The following ALK variants were observed in gnomAD, a reference collection of about 807,000 sequenced individuals.
ALK encodes the protein ALK tyrosine kinase receptor.
A neutral mutation model predicts 163.1 loss-of-function variants in ALK; 74 were observed. That is an observed-to-expected ratio of 0.45 (90% CI 0.38 to 0.55). The LOEUF is 0.55. ALK is among the 20% of genes least tolerant of loss of function. The pLI is 0.00. For missense variants in ALK, 2,063 were observed against 2,105.3 expected (o/e 0.98, Z 0.39); for synonymous variants, 960 against 843.2 (o/e 1.14, Z -2.40).
rs1674761444 is a variant in ALK, at chr2:29,583,035, G to GTGTTTTTT, written c.953-50920_953-50919insAAAAAACA. Among the ~76,000 whole-genome samples, 5 of 108,106 alleles carry GTGTTTTTT rather than the reference G, an allele frequency of 4.6e-5. No homozygotes were observed. The South Asian group carries it at 1.0e-3, about 22-fold the overall frequency. 70.9% of individuals were successfully genotyped at this position (108,106 alleles called of 152,430 possible). ...GTGCCACCATGCCTGGCTAACTTTT[G>GTGTTTTTT]TTTTTTGTTTTTTTGTTTTTTTTAG... On this transcript the variant is annotated intron_variant, in intron 3 of 28. Transcript: ENST00000389048.
Position 29,609,709 on chromosome 2 carries a change from T to C in ALK, c.953-77593A>G, listed in dbSNP as rs1017062809. Among the ~76,000 whole-genome samples the C allele has an allele frequency of 3.3e-5, 5 of 151,672 alleles. No individual in the cohort carries two copies. The East Asian group carries it at 7.8e-4, about 24-fold the overall frequency. On this transcript the variant is annotated intron_variant, in intron 3 of 28. Transcript: ENST00000389048. The stretch of plus-strand genomic sequence containing the variant: ...CCCAGGTTGAAGTGCAATAGCACAA[T>C]AACAGCTCACTATAGCTTTGAACTT...
chr2:29,674,552 T>G (rs1363277652), intron 3 of ALK, among the ~76,000 whole-genome samples: 2 of 150,734 alleles, frequency 1.3e-5, no homozygotes, highest in African/African-American at 4.9e-5. Context: ...ATAAGCTTTT[T>G]GATGTGCTGC....
chr2:29,525,087 C>G (rs746668084), intron 4 of ALK, among the ~76,000 whole-genome samples: 1 of 152,192 alleles, frequency 6.6e-6, no homozygotes, highest in Non-Finnish European at 1.5e-5. Context: ...AGCCATAGTC[C>G]TTCTAGAGAC....
At chr2:29,385,072 G>A (rs1668998356) in intron 4 of ALK, among the ~76,000 whole-genome samples, 1 of 151,396 alleles carries the variant, frequency 6.6e-6, no homozygotes, top group South Asian at 2.1e-4. Flanking sequence ...ATTTGATGGT[G>A]GGTTTTGGCT....
intron 1 of ALK, among the ~76,000 whole-genome samples, chr2:29,873,614 C>T (rs926041881): frequency 6.6e-6 from 1 of 152,060 alleles, no homozygotes; most frequent in Non-Finnish European, 1.5e-5. Flanking sequence ...CAGAAGGTGC[C>T]TAAAGCCAAA....
At chr2:29,762,362 A>G (rs1312960790) in intron 1 of ALK, among the ~76,000 whole-genome samples, 4 of 152,236 alleles carry the variant, frequency 2.6e-5, no homozygotes, top group Non-Finnish European at 5.9e-5. Context: ...ACAGTCAATT[A>G]TCTCATGATC....
chr2:29,611,374 ACTAT>A (rs1196999766), intron 3 of ALK, among the ~76,000 whole-genome samples: 1 of 152,184 alleles, frequency 6.6e-6, no homozygotes, highest in Non-Finnish European at 1.5e-5. Flanking sequence ...GCAAACATTT[ACTAT>A]CTACTATGTG....
intron 3 of ALK, among the ~76,000 whole-genome samples, chr2:29,567,709 G>GA (rs111716077): frequency 3.7e-4 from 56 of 151,966 alleles, no homozygotes; most frequent in African/African-American, 1.3e-3. Context: ...TCCAAGAGAA[G>GA]AAAAAAAATA....
chr2:29,312,921 G>A (rs972777385), intron 8 of ALK, among the ~76,000 whole-genome samples: 1 of 152,224 alleles, frequency 6.6e-6, no homozygotes, highest in African/African-American at 2.4e-5. Context: ...ACATCCACAG[G>A]AACTCTGCCT....
At chr2:29,621,618 G>A (rs571946703) in intron 3 of ALK, among the ~76,000 whole-genome samples, 1 of 152,202 alleles carries the variant, frequency 6.6e-6, no homozygotes, top group Non-Finnish European at 1.5e-5. Context: ...TCATCATGTG[G>A]GACCCTGGAA....
intron 4 of ALK, among the ~76,000 whole-genome samples, chr2:29,395,176 C>T (rs1191540376): frequency 6.6e-6 from 1 of 152,176 alleles, no homozygotes; most frequent in African/African-American, 2.4e-5. Flanking sequence ...GGTTCAAATG[C>T]GAATGCAAGC....
chr2:29,332,488 C>T (rs1667474940), intron 5 of ALK, among the ~76,000 whole-genome samples: 1 of 151,836 alleles, frequency 6.6e-6, no homozygotes, highest in Admixed American at 6.6e-5. Flanking sequence ...AAACAGAATC[C>T]AATTGTCTGA....
chr2:29,621,140 A>T (rs1185061336), intron 3 of ALK, among the ~76,000 whole-genome samples: 4 of 152,124 alleles, frequency 2.6e-5, no homozygotes, highest in African/African-American at 9.7e-5. Context: ...GAATACATGC[A>T]TCATTCATGG....
intron 4 of ALK, among the ~76,000 whole-genome samples, chr2:29,490,386 A>G (rs1490157767): frequency 6.6e-6 from 1 of 152,192 alleles, no homozygotes; most frequent in Non-Finnish European, 1.5e-5. Flanking sequence ...AATGTTGGGG[A>G]AAAAGGAGTT....
intron 4 of ALK, among the ~76,000 whole-genome samples, chr2:29,521,192 T>G (rs1344586118): frequency 6.6e-6 from 1 of 152,106 alleles, no homozygotes; most frequent in Non-Finnish European, 1.5e-5. Context: ...CCCTATAGGG[T>G]GGAGCAAGGT....
rs572286447 is a variant in ALK, at chr2:29,921,062, C to T, written c.-403G>A. On this transcript the variant is annotated 5_prime_UTR_variant, in exon 1 of 29. Coordinates refer to ENST00000389048, the MANE Select transcript of ALK (RefSeq NM_004304.5). ...CCCGCAGTCGGAGCTGGGGTCTGTCCCCTCTCGGGGCAGCCTCCAATCTCT... is the reference window on the plus strand; with the variant it reads ...CCCGCAGTCGGAGCTGGGGTCTGTCTCCTCTCGGGGCAGCCTCCAATCTCT... The T allele has an allele frequency of 1.5e-5, 4 of 261,848 alleles. No individual in the cohort carries two copies. The Admixed American group carries it at 2.0e-4, about 13-fold the overall frequency. The allele number at this position is 261,848 out of a possible 1,614,324, so 16.2% of individuals were successfully genotyped here.
intron 1 of ALK, among the ~76,000 whole-genome samples, chr2:29,854,189 G>A (rs80198805): frequency 5.3e-4 from 62 of 116,644 alleles, no homozygotes; most frequent in African/African-American, 1.8e-3. Flanking sequence ...CACTAGCTAC[G>A]TTAACGTTCC....
chr2:29,537,795 G>C (rs151204464), intron 3 of ALK, among the ~76,000 whole-genome samples: 84 of 152,384 alleles, frequency 5.5e-4, no homozygotes, highest in African/African-American at 2.0e-3. Flanking sequence ...GACGCACACT[G>C]CAAAGTCATA....
At chr2:29,830,713 TAAAAAAAAAAAAAAAAAAAAAAAAA>T (rs530774574) in intron 1 of ALK, among the ~76,000 whole-genome samples, 1 of 28,966 alleles carries the variant, frequency 3.5e-5, no homozygotes, top group Non-Finnish European at 6.7e-5. Context: ...TAAAATAGTT[TAAAAAAAAAAAAAAAAAAAAAAAAA>T]AAAAAAAAAA....
Sources: allele counts gnomAD v4.1 joint callset (sites outside exome capture counted in the v4.1 genomes callset), GRCh38; gene constraint gnomAD v4.1.1; transcripts MANE v1.5; gene names NCBI Gene and HGNC (gene_info 2026-07-23, HGNC 2026-07-21).